Variants in EBF1 observed in about 807,000 individuals in gnomAD.
The protein encoded by EBF1 is EBF transcription factor 1, also known as transcription factor COE1.
In EBF1, 10 loss-of-function variants were observed where a neutral mutation model predicts 68.4. The ratio of observed to expected loss-of-function variants is 0.15; its 90% CI spans 0.09 to 0.25. EBF1 has a LOEUF of 0.25. Among genes scored for constraint, EBF1 ranks in the 10% least tolerant of loss-of-function variants. The probability of loss-of-function intolerance (pLI) is 1.00; values close to 1 mark genes in which losing one functional copy is unlikely to be tolerated. For missense variants in EBF1, 509 were observed against 794.4 expected (o/e 0.64, Z 4.32); for synonymous variants, 298 against 299.8 (o/e 0.99, Z 0.06).
intron 6 of EBF1, among the ~76,000 whole-genome samples, chr5:158,948,401 G>A (rs1815294925): frequency 2.0e-5 from 3 of 152,242 alleles, no homozygotes; most frequent in African/African-American, 4.8e-5. Context: ...ACTGTAGCAG[G>A]GGCATTATTC....
At chr5:159,038,013 T>C (rs974724613) in intron 6 of EBF1, among the ~76,000 whole-genome samples, 2 of 152,174 alleles carry the variant, frequency 1.3e-5, no homozygotes, top group African/African-American at 4.8e-5. Context: ...CAAGAGAGGC[T>C]GGCTGCCAAG....
chr5:159,039,614 T>G (rs1770779773), intron 6 of EBF1, among the ~76,000 whole-genome samples: 1 of 152,354 alleles, frequency 6.6e-6, no homozygotes, highest in East Asian at 1.9e-4. Context: ...ACTTCGCTAT[T>G]AAATAACTTT....
At chr5:159,093,131 T>C (rs1781950341) in intron 4 of EBF1, among the ~76,000 whole-genome samples, 1 of 152,206 alleles carries the variant, frequency 6.6e-6, no homozygotes, top group Non-Finnish European at 1.5e-5. Context: ...TTCACGCTCA[T>C]CTATCTGCTT....
At chr5:158,768,199 G>T (rs552312923) in intron 10 of EBF1, among the ~76,000 whole-genome samples, 4 of 152,146 alleles carry the variant, frequency 2.6e-5, no homozygotes, top group African/African-American at 9.6e-5. Context: ...TGTGCTGTGG[G>T]TTTTTCAGAA....
At chr5:158,997,135 C>T (rs1561746067) in intron 6 of EBF1, among the ~76,000 whole-genome samples, 2 of 152,058 alleles carry the variant, frequency 1.3e-5, no homozygotes, top group African/African-American at 2.4e-5. Context: ...ATGAGTACAC[C>T]CTGCAGAACC....
rs147996456 is a variant in EBF1, at chr5:158,698,420, T to C, written c.*691A>G. The C allele has an allele frequency of 1.1e-3, 245 of 223,242 alleles. No individual in the cohort carries two copies. Among genetic ancestry groups the C allele is most frequent in the African/African-American group, 5.0e-3 (223 of 44,858 alleles). 13.8% of individuals were successfully genotyped at this position (223,242 alleles called of 1,614,324 possible). On this transcript the variant is annotated 3_prime_UTR_variant, in exon 16 of 16. Coordinates refer to ENST00000313708, the MANE Select transcript of EBF1 (RefSeq NM_024007.5). Reference sequence around the variant, plus strand: ...AGAGGGAAAAATGTGATCACTTACATCGCGTTTTAACTTTCCAGGCTGCAT... The same window carrying C: ...AGAGGGAAAAATGTGATCACTTACACCGCGTTTTAACTTTCCAGGCTGCAT...
Position 159,099,780 on chromosome 5 carries a change from T to C in EBF1, c.-302A>G, listed in dbSNP as rs1225865323. ...GCTTGGCTGTTGGGGGTTGTTTGGT[T>C]GGTTGATTTTTGGTTTGGGTGCTTT... is the stretch of plus-strand genomic sequence containing the variant. On this transcript the variant is annotated 5_prime_UTR_variant, in exon 1 of 16. Transcript: ENST00000313708. The C allele has an allele frequency of 4.7e-6, 1 of 212,568 alleles. No individual in the cohort carries two copies. Among genetic ancestry groups the C allele is most frequent in the Non-Finnish European group, 9.1e-6 (1 of 110,122 alleles). 13.2% of individuals were successfully genotyped at this position (212,568 alleles called of 1,614,324 possible).
intron 6 of EBF1, among the ~76,000 whole-genome samples, chr5:158,981,650 A>T (rs886528874): frequency 6.6e-6 from 1 of 152,172 alleles, no homozygotes; most frequent in Non-Finnish European, 1.5e-5. Flanking sequence ...TTAATTTTAA[A>T]ATACTTTATA....
At chr5:158,926,617 G>C (rs1182764553) in intron 6 of EBF1, among the ~76,000 whole-genome samples, 1 of 151,844 alleles carries the variant, frequency 6.6e-6, no homozygotes, top group Admixed American at 6.6e-5. Flanking sequence ...CCAGCTACTT[G>C]GGAGGCTGAG....
At chr5:158,967,750 C>T (rs1754466305) in intron 6 of EBF1, among the ~76,000 whole-genome samples, 2 of 152,184 alleles carry the variant, frequency 1.3e-5, no homozygotes, top group South Asian at 4.1e-4. Flanking sequence ...CTTTAAGGCA[C>T]ATGTTAGCCC....
intron 6 of EBF1, among the ~76,000 whole-genome samples, chr5:158,942,097 T>C (rs1813550679): frequency 6.6e-6 from 1 of 152,240 alleles, no homozygotes; most frequent in Non-Finnish European, 1.5e-5. Context: ...AATTCAGATA[T>C]TAATACATAT....
At chr5:158,888,090 C>T (rs947258641) in intron 6 of EBF1, among the ~76,000 whole-genome samples, 1 of 152,152 alleles carries the variant, frequency 6.6e-6, no homozygotes, top group African/African-American at 2.4e-5. Flanking sequence ...GCAGAAGTCA[C>T]ATCCTTTTCT....
intron 8 of EBF1, among the ~76,000 whole-genome samples, chr5:158,813,297 T>G (rs1158951267): frequency 6.6e-6 from 1 of 152,194 alleles, no homozygotes; most frequent in Non-Finnish European, 1.5e-5. Context: ...TAAATGTTTA[T>G]CCTCCATTTT....
At chr5:158,852,046 A>AG (rs1562118966) in intron 6 of EBF1, among the ~76,000 whole-genome samples, 2 of 17,252 alleles carry the variant, frequency 1.2e-4, no homozygotes, top group Admixed American at 8.0e-4. Context: ...TGGGGAGGGG[A>AG]GGAGAGGGGA....
At chr5:158,909,956 T>TAAAAA (rs59274919) in intron 6 of EBF1, among the ~76,000 whole-genome samples, 1,945 of 46,604 alleles carry the variant, frequency 0.042, 382 homozygotes, top group South Asian at 0.075. Flanking sequence ...ACTCTGTCTA[T>TAAAAA]AAAAAAAAAA....
At chr5:159,054,644 A>G (rs1774423573) in intron 6 of EBF1, among the ~76,000 whole-genome samples, 1 of 152,232 alleles carries the variant, frequency 6.6e-6, no homozygotes, top group Admixed American at 6.5e-5. Flanking sequence ...CCTTAAAAGG[A>G]ATTATACACC....
intron 6 of EBF1, among the ~76,000 whole-genome samples, chr5:159,071,056 G>T (rs531471488): frequency 6.6e-6 from 1 of 151,906 alleles, no homozygotes; most frequent in Non-Finnish European, 1.5e-5. Context: ...CTCTTCTCTC[G>T]CTGTTAAGAA....
At chr5:158,797,189 C>A (rs1265599121) in intron 8 of EBF1, among the ~76,000 whole-genome samples, 1 of 152,162 alleles carries the variant, frequency 6.6e-6, no homozygotes, top group Admixed American at 6.6e-5. Flanking sequence ...AATTTCATAT[C>A]TCTTTTCTTT....
chr5:158,779,919 A>G (rs1776087051), intron 9 of EBF1, among the ~76,000 whole-genome samples: 1 of 152,192 alleles, frequency 6.6e-6, no homozygotes, highest in African/African-American at 2.4e-5. Context: ...ATTTTAATTA[A>G]TTGCCCTAAC....
Sources: gnomAD v4.1 joint callset for allele counts (sites outside exome capture counted in the v4.1 genomes callset) on GRCh38, gnomAD v4.1.1 for gene constraint, MANE v1.5 for transcripts, NCBI Gene and HGNC (gene_info 2026-07-23, HGNC 2026-07-21) for gene names.